DGKD: variants seen among roughly 807,000 people sequenced by gnomAD.
DGKD encodes the protein DAG kinase delta.
DGKD carries 68 observed loss-of-function variants against 154.4 expected under a neutral mutation model. The observed-to-expected ratio is 0.44, with a 90% confidence interval of 0.36 to 0.54. The LOEUF is 0.54. Ranked by LOEUF, DGKD falls within the 20% of genes least tolerant of loss-of-function variation. The probability of loss-of-function intolerance (pLI) is 0.00; values close to 1 mark genes in which losing one functional copy is unlikely to be tolerated. For missense variants in DGKD, 1,343 were observed against 1,593.6 expected, an observed-to-expected ratio of 0.84 and a Z score of 2.68; for synonymous variants, 693 against 638.0, an observed-to-expected ratio of 1.09 and a Z score of -1.30.
intron 3 of DGKD, among the ~76,000 whole-genome samples, chr2:233,397,819 C>T (rs2061457229): frequency 6.6e-6 from 1 of 151,280 alleles, no homozygotes; most frequent in Non-Finnish European, 1.5e-5. Flanking sequence ...GGGCAGTGGG[C>T]AGGCTAGTGA....
chr2:233,435,039 T>C, intron 5 of DGKD, 138 bp downstream of exon 5: 1 of 1,210,408 alleles, frequency 8.3e-7, no homozygotes. Context: ...GCGATTTCTG[T>C]GATGCCATTC....
chr2:233,441,661 G>A lies in DGKD; in HGVS notation c.1086-226G>A, dbSNP rs1414422613. Among the ~76,000 whole-genome samples the A allele has an allele frequency of 6.6e-6, 1 of 152,014 alleles. No individual in the cohort carries two copies. Among genetic ancestry groups the A allele is most frequent in the Non-Finnish European group, 1.5e-5 (1 of 67,962 alleles). On this transcript the variant is annotated intron_variant, in intron 9 of 29. Transcript: ENST00000264057. This position sits in a 1 kb window ranked among gnomAD's most constrained non-coding sequence, Gnocchi z 5.6. ...GTGGTCTTGTCGCTGGGTGGGGCGT[G>A]GCTGGTGGGAGCAGTTGGCTGGACC... is the stretch of plus-strand genomic sequence containing the variant.
intron 1 of DGKD, among the ~76,000 whole-genome samples, chr2:233,364,975 G>A (rs1461839457): frequency 2.6e-5 from 4 of 152,122 alleles, no homozygotes; most frequent in African/African-American, 9.7e-5. Flanking sequence ...AGCTATTTTA[G>A]TATCAAAGTA....
intron 1 of DGKD, among the ~76,000 whole-genome samples, chr2:233,377,330 C>T (rs778582618): frequency 7.9e-5 from 12 of 152,144 alleles, no homozygotes; most frequent in Non-Finnish European, 1.2e-4. Context: ...GTGATCCACC[C>T]GCTTCGGCCT....
At chr2:233,464,402 CCT>C (rs1234971374) in intron 27 of DGKD, 119 bp downstream of exon 27, 3 of 1,279,304 alleles carry the variant, frequency 2.3e-6, no homozygotes, top group South Asian at 1.4e-5. Context: ...TCCGGCAGCC[CCT>C]GAGGGGCCTT....
At chr2:233,379,681 A>G (rs1415649504) in intron 1 of DGKD, among the ~76,000 whole-genome samples, 2 of 152,198 alleles carry the variant, frequency 1.3e-5, no homozygotes, top group Non-Finnish European at 1.5e-5. Context: ...GGAAGGATGG[A>G]CAGAGAACAA....
chr2:233,375,976 C>G (rs1702555750), intron 1 of DGKD, among the ~76,000 whole-genome samples: 2 of 152,164 alleles, frequency 1.3e-5, no homozygotes, highest in South Asian at 4.1e-4. Context: ...ACTCAGCACT[C>G]AAGTGTTCAA....
intron 1 of DGKD, among the ~76,000 whole-genome samples, chr2:233,368,479 T>C (rs1180223775): frequency 6.6e-6 from 1 of 152,074 alleles, no homozygotes; most frequent in African/African-American, 2.4e-5. Context: ...ACCACTGCAC[T>C]CCAGGCTGGG....
intron 3 of DGKD, among the ~76,000 whole-genome samples, chr2:233,406,143 A>G (rs1166595847): frequency 1.3e-5 from 2 of 152,248 alleles, no homozygotes; most frequent in African/African-American, 2.4e-5. Context: ...CTGTCTCCAC[A>G]TGGCCTTTTC....
intron 3 of DGKD, among the ~76,000 whole-genome samples, chr2:233,401,756 C>T (rs2061561757): frequency 6.6e-6 from 1 of 151,840 alleles, no homozygotes; most frequent in Middle Eastern, 3.4e-3. Context: ...CCCGTCTCTA[C>T]TAAAAATATA....
At chr2:233,372,969 C>A (rs551159279) in intron 1 of DGKD, among the ~76,000 whole-genome samples, 6 of 152,268 alleles carry the variant, frequency 3.9e-5, no homozygotes, top group African/African-American at 1.4e-4. Context: ...CAGCTTAGGA[C>A]AAACCCCACC....
intron 3 of DGKD, among the ~76,000 whole-genome samples, chr2:233,394,691 CTTTTTTTTTTTTTTTTTT>C (rs1162430401): frequency 7.6e-5 from 2 of 26,392 alleles, no homozygotes; most frequent in South Asian, 1.4e-3. Context: ...ATTTAATTCC[CTTTTTTTTTTTTTTTTTT>C]TTTTTTTTTT....
intron 24 of DGKD, 35 bp from the exon 25 acceptor site, chr2:233,462,313 G>T: frequency 6.5e-7 from 1 of 1,549,456 alleles, no homozygotes; most frequent in Non-Finnish European, 8.9e-7. Flanking sequence ...CTTCCATTTG[G>T]CCTGACATCT....
chr2:233,391,135 A>G lies in DGKD; in HGVS notation c.348+652A>G, dbSNP rs140197074. ...ATGTTAAAGCAATTAAAAAGCAGCCATAACAGCCACCTCAAAAAACATTGA... is the reference window on the plus strand; with the variant it reads ...ATGTTAAAGCAATTAAAAAGCAGCCGTAACAGCCACCTCAAAAAACATTGA... On this transcript the variant is annotated intron_variant, in intron 3 of 29. Coordinates refer to ENST00000264057, the MANE Select transcript of DGKD (RefSeq NM_152879.3). 5.0e-3 allele frequency among the ~76,000 whole-genome samples: 759 copies of G among 152,340 alleles called. 5 individuals are homozygous for G. The highest frequency in any genetic ancestry group is 7.5e-3 in the Non-Finnish European group (509 of 68,032).
At chr2:233,378,839 T>C (rs1490054582) in intron 1 of DGKD, among the ~76,000 whole-genome samples, 1 of 152,172 alleles carries the variant, frequency 6.6e-6, no homozygotes, top group Non-Finnish European at 1.5e-5. Context: ...GGCCTGAGGA[T>C]TGCCTGAGCA....
intron 17 of DGKD, among the ~76,000 whole-genome samples, chr2:233,451,491 C>T (rs2063291860): frequency 6.6e-6 from 1 of 152,030 alleles, no homozygotes; most frequent in South Asian, 2.1e-4. Flanking sequence ...CCTTATAAAG[C>T]CTTAAGCCTC....
chr2:233,417,611 T>G (rs2061990902), intron 3 of DGKD, among the ~76,000 whole-genome samples: 1 of 152,230 alleles, frequency 6.6e-6, no homozygotes, highest in Non-Finnish European at 1.5e-5. Flanking sequence ...AAGATTCTTT[T>G]TAATTCCCCT....
rs1318422137 is a variant in DGKD, at chr2:233,441,877, T to G, written c.1086-10T>G. 6.2e-7 allele frequency: 1 copy of G among 1,611,044 alleles called. No homozygotes were observed. The highest frequency in any genetic ancestry group is 8.5e-7 in the Non-Finnish European group (1 of 1,177,642). ...GATGTCATTTCACGGCCTTTCTCTT[T>G]TCTCTGCAGCTTACGGTTATTCCAG... On this transcript the variant is annotated splice_polypyrimidine_tract_variant and intron_variant, in intron 9 of 29. Transcript: ENST00000264057. The surrounding 1 kb of genome is among the most constrained non-coding windows in gnomAD (Gnocchi z 5.6).
chr2:233,447,941 C>T, intron 12 of DGKD, 146 bp from the exon 13 acceptor site: 1 of 1,483,254 alleles, frequency 6.7e-7, no homozygotes, highest in Non-Finnish European at 8.9e-7. Context: ...TGAGTTGAGG[C>T]TTGGCTGGGT....
Sources: allele counts gnomAD v4.1 joint callset (sites outside exome capture counted in the v4.1 genomes callset), GRCh38; gene constraint gnomAD v4.1.1; non-coding constraint Gnocchi (gnomAD v3.1); transcripts MANE v1.5; gene names NCBI Gene and HGNC (gene_info 2026-07-23, HGNC 2026-07-21).